PHACTR4: variants seen among roughly 807,000 people sequenced by gnomAD.
PHACTR4 encodes the protein phosphatase and actin regulator 4.
A neutral mutation model predicts 72.7 loss-of-function variants in PHACTR4; 51 were observed. The observed-to-expected ratio is 0.70, with a 90% CI of 0.56 to 0.89. PHACTR4 has a LOEUF of 0.89. Ranked by LOEUF, PHACTR4 falls within the 40% of genes least tolerant of loss-of-function variation. The pLI, the probability that PHACTR4 is intolerant of heterozygous loss-of-function variation, is 0.00. For missense variants in PHACTR4, 731 were observed against 861.8 expected (o/e 0.85, Z 1.90); for synonymous variants, 255 against 302.5 (o/e 0.84, Z 1.63).
intron 2 of PHACTR4, among the ~76,000 whole-genome samples, chr1:28,451,684 C>T (rs1279186587): frequency 1.3e-5 from 2 of 152,104 alleles, no homozygotes; most frequent in African/African-American, 4.8e-5. Flanking sequence ...TCACTTGTTG[C>T]CCAGGCTGGA....
chr1:28,437,210 A>C (rs1656691537), intron 2 of PHACTR4, among the ~76,000 whole-genome samples: 1 of 151,934 alleles, frequency 6.6e-6, no homozygotes, highest in African/African-American at 2.4e-5. Flanking sequence ...AACAACAAAC[A>C]TTTCTTTCTT....
intron 1 of PHACTR4, among the ~76,000 whole-genome samples, chr1:28,373,293 A>G (rs1384067350): frequency 7.8e-6 from 1 of 127,500 alleles, no homozygotes; most frequent in Admixed American, 7.3e-5. Flanking sequence ...TGTTTTAAAC[A>G]TAATTTTTTT....
intron 6 of PHACTR4, among the ~76,000 whole-genome samples, chr1:28,472,564 A>C (rs1659627765): frequency 6.6e-6 from 1 of 151,974 alleles, no homozygotes; most frequent in African/African-American, 2.4e-5. Flanking sequence ...ATTTTATGCT[A>C]TCTGAATGTT....
chr1:28,440,369 AAAGT>A (rs1569956338), intron 2 of PHACTR4, among the ~76,000 whole-genome samples: 1 of 148,756 alleles, frequency 6.7e-6, no homozygotes, highest in African/African-American at 2.5e-5. Flanking sequence ...CTTCTGAAAA[AAAGT>A]AAGAATCAAA....
chr1:28,461,918 TG>T (rs1249575809), intron 4 of PHACTR4, among the ~76,000 whole-genome samples: 1 of 152,140 alleles, frequency 6.6e-6, no homozygotes, highest in African/African-American at 2.4e-5. Flanking sequence ...TAACTCTATT[TG>T]TTTTTTTACA....
intron 13 of PHACTR4, 118 bp from the exon 14 acceptor site, chr1:28,496,416 G>C (rs1044133520): frequency 8.6e-7 from 1 of 1,162,124 alleles, no homozygotes; most frequent in African/African-American, 1.5e-5. Flanking sequence ...AGGTCAGGTC[G>C]AATTAGAGCA....
chr1:28,460,393 A>T, intron 4 of PHACTR4, 101 bp downstream of exon 4: 1 of 860,024 alleles, frequency 1.2e-6, no homozygotes, highest in East Asian at 2.8e-5. Flanking sequence ...TTATATTGCT[A>T]TTTTTGGGTT....
intron 1 of PHACTR4, among the ~76,000 whole-genome samples, chr1:28,381,893 C>CT (rs986910141): frequency 5.9e-5 from 9 of 152,194 alleles, no homozygotes; most frequent in African/African-American, 2.2e-4. Flanking sequence ...GTGCTTCAGC[C>CT]TCCTGAGTAG....
intron 1 of PHACTR4, among the ~76,000 whole-genome samples, chr1:28,379,743 C>A (rs2124133459): frequency 6.6e-6 from 1 of 151,832 alleles, no homozygotes; most frequent in East Asian, 1.9e-4. Flanking sequence ...GCGCCCGCCA[C>A]CACACCCGAC....
At chr1:28,454,342 T>C (rs1485956007) in intron 2 of PHACTR4, among the ~76,000 whole-genome samples, 1 of 147,726 alleles carries the variant, frequency 6.8e-6, no homozygotes, top group African/African-American at 2.5e-5. Context: ...AGTGGCGTGA[T>C]CTCGGCTCTC....
At chr1:28,430,209 A>G (rs1008139471) in intron 2 of PHACTR4, among the ~76,000 whole-genome samples, 1 of 152,022 alleles carries the variant, frequency 6.6e-6, no homozygotes, top group Admixed American at 6.6e-5. Flanking sequence ...TATTTTTAGT[A>G]GAGATAGGGT....
chr1:28,420,838 AATTT>A (rs1655460946), intron 2 of PHACTR4, among the ~76,000 whole-genome samples: 2 of 152,192 alleles, frequency 1.3e-5, no homozygotes, highest in African/African-American at 4.8e-5. Context: ...TTTATTCCTA[AATTT>A]ATTATATATG....
chr1:28,439,332 A>T (rs905914569), intron 2 of PHACTR4, among the ~76,000 whole-genome samples: 4 of 137,710 alleles, frequency 2.9e-5, no homozygotes, highest in Non-Finnish European at 3.2e-5. Flanking sequence ...TTGGTGACTT[A>T]AAAAAAAAGC....
At chr1:28,495,883 T>C (rs1482198595) in intron 13 of PHACTR4, among the ~76,000 whole-genome samples, 3 of 150,654 alleles carry the variant, frequency 2.0e-5, no homozygotes, top group African/African-American at 4.9e-5. Flanking sequence ...TCCCAAAGTG[T>C]TGGGATTGAT....
At chr1:28,445,615 A>G (rs1389862469) in intron 2 of PHACTR4, among the ~76,000 whole-genome samples, 1 of 152,030 alleles carries the variant, frequency 6.6e-6, no homozygotes, top group East Asian at 1.9e-4. Flanking sequence ...TTCCTTTTCC[A>G]TAACCATTTG....
intron 2 of PHACTR4, among the ~76,000 whole-genome samples, chr1:28,423,408 C>CAAAT (rs148724281): frequency 0.28 from 41,376 of 147,350 alleles, 5,966 homozygotes; most frequent in Middle Eastern, 0.36. Flanking sequence ...GATCCTGCCT[C>CAAAT]AAATAAATAA....
At chr1:28,476,020 G>A (rs553069985) in intron 7 of PHACTR4, 87 bp from the exon 8 acceptor site, 40 of 1,301,490 alleles carry the variant, frequency 3.1e-5, no homozygotes, top group East Asian at 2.1e-4. Flanking sequence ...GAGCCACCAC[G>A]CCCAGTCTTT....
At position 28,411,003 on chromosome 1, in the gene PHACTR4, C is replaced by T. The variant is rs570130486; in HGVS notation, c.16+3540C>T. On this transcript the variant is annotated intron_variant, in intron 2 of 13. Coordinates refer to ENST00000373839, the MANE Select transcript of PHACTR4 (RefSeq NM_001048183.3). ...AATTGCAGGCGTGAGCCACCATGCCCGGCTGAGATTATTTTTTATTTTTAT... is the reference window on the plus strand; with the variant it reads ...AATTGCAGGCGTGAGCCACCATGCCTGGCTGAGATTATTTTTTATTTTTAT... 5.9e-5 allele frequency among the ~76,000 whole-genome samples: 9 copies of T among 151,706 alleles called. No individual in the cohort carries two copies. In the South Asian group the frequency reaches 6.3e-4, roughly 11 times the overall value.
chr1:28,491,208 TAAA>T (rs879678760), intron 11 of PHACTR4, among the ~76,000 whole-genome samples, 196 bp downstream of exon 11: 3 of 109,604 alleles, frequency 2.7e-5, no homozygotes, highest in African/African-American at 4.0e-5. Context: ...GTGTCTACAT[TAAA>T]AAAAAAAAAA....
Sources: gnomAD v4.1 joint callset for allele counts (sites outside exome capture counted in the v4.1 genomes callset) on GRCh38, gnomAD v4.1.1 for gene constraint, MANE v1.5 for transcripts, NCBI Gene and HGNC (gene_info 2026-07-23, HGNC 2026-07-21) for gene names.